CDH23: variants seen among roughly 807,000 people sequenced by gnomAD.
CDH23 encodes the protein cadherin related 23, also known as cadherin-23.
In CDH23, 189 loss-of-function variants were observed where a neutral mutation model predicts 317.1. That is an observed-to-expected ratio of 0.60 (90% CI 0.53 to 0.67). CDH23 has a LOEUF of 0.67. Ranked by LOEUF, CDH23 falls within the 30% of genes least tolerant of loss-of-function variation. The probability of loss-of-function intolerance (pLI) is 0.00; values close to 1 mark genes in which losing one functional copy is unlikely to be tolerated. For synonymous variants in CDH23, 1,839 were observed against 1,876.8 expected (o/e 0.98, Z 0.52); for missense variants, 4,401 against 4,592.4 (o/e 0.96, Z 1.20).
chr10:71,438,037 C>T (rs1481552312), intron 1 of CDH23, among the ~76,000 whole-genome samples: 2 of 152,140 alleles, frequency 1.3e-5, no homozygotes, highest in Non-Finnish European at 2.9e-5. Context: ...TATTCAAATA[C>T]ATCTTAGAAT....
intron 6 of CDH23, among the ~76,000 whole-genome samples, chr10:71,543,118 T>A (rs998378559): frequency 7.9e-5 from 12 of 152,198 alleles, no homozygotes; most frequent in Admixed American, 7.9e-4. Context: ...ACGCTGTTCC[T>A]CCAGGGCCCC....
intron 10 of CDH23, 51 bp downstream of exon 10, chr10:71,615,667 C>A: frequency 1.5e-6 from 2 of 1,309,660 alleles, no homozygotes; most frequent in Non-Finnish European, 2.2e-6. Flanking sequence ...TGCCCCTACT[C>A]GGATGCCAAC....
At chr10:71,745,902 C>T (rs1839843568) in intron 38 of CDH23, among the ~76,000 whole-genome samples, 1 of 152,230 alleles carries the variant, frequency 6.6e-6, no homozygotes, top group Non-Finnish European at 1.5e-5. Context: ...CAGAGAAAGC[C>T]AGCAGGCCCA....
At chr10:71,501,340 C>T (rs540714890) in intron 3 of CDH23, among the ~76,000 whole-genome samples, 4 of 152,332 alleles carry the variant, frequency 2.6e-5, no homozygotes, top group African/African-American at 9.6e-5. Context: ...CAGTTCATGC[C>T]GTCCCCTCCA....
chr10:71,688,438 A>G (rs1182227846), intron 19 of CDH23, among the ~76,000 whole-genome samples: 1 of 151,424 alleles, frequency 6.6e-6, no homozygotes, highest in Non-Finnish European at 1.5e-5. Flanking sequence ...GGAGCCAGGG[A>G]TGGTAGAGCC....
At chr10:71,640,784 C>T (rs112027890) in intron 11 of CDH23, among the ~76,000 whole-genome samples, 3,550 of 152,202 alleles carry the variant, frequency 0.023, 60 homozygotes, top group Non-Finnish European at 0.042. Context: ...AGAAAGGAAA[C>T]GGTGCTGGGC....
At chr10:71,714,097 G>A (rs567352414) in intron 28 of CDH23, 1 of 152,280 alleles carries the variant, frequency 6.6e-6, no homozygotes, top group African/African-American at 2.4e-5. Flanking sequence ...AGCGTCTCAG[G>A]ATGACTTCTC....
intron 1 of CDH23, among the ~76,000 whole-genome samples, chr10:71,421,993 G>A (rs567034424): frequency 6.6e-6 from 1 of 152,316 alleles, no homozygotes; most frequent in African/African-American, 2.4e-5. Flanking sequence ...AGTAGGTAGT[G>A]AGCTTCCCAC....
intron 6 of CDH23, among the ~76,000 whole-genome samples, chr10:71,525,644 G>T (rs10823775): frequency 0.64 from 97,474 of 151,940 alleles, 31,764 homozygotes; most frequent in East Asian, 0.91. Flanking sequence ...ACCATAGGTG[G>T]GGAGAGAGGG....
At chr10:71,705,650 A>G (rs1367680342) in intron 25 of CDH23, among the ~76,000 whole-genome samples, 1 of 152,152 alleles carries the variant, frequency 6.6e-6, no homozygotes, top group African/African-American at 2.4e-5. Flanking sequence ...TGGGACTCTC[A>G]TGCTCATTCC....
intron 1 of CDH23, among the ~76,000 whole-genome samples, chr10:71,414,055 G>GTT (rs1192910497): frequency 6.7e-6 from 1 of 150,098 alleles, no homozygotes; most frequent in Non-Finnish European, 1.5e-5. Flanking sequence ...TTTTGTGTGT[G>GTT]TGTGTGTGTG....
At chr10:71,773,530 C>A (rs757749664) in intron 38 of CDH23, 8 of 1,274,704 alleles carry the variant, frequency 6.3e-6, no homozygotes, top group Admixed American at 2.3e-5. Context: ...TGAGTGCGAG[C>A]GAGTGAGCGC....
At chr10:71,613,301 TC>T (rs776304396) in intron 9 of CDH23, among the ~76,000 whole-genome samples, 2 of 151,990 alleles carry the variant, frequency 1.3e-5, no homozygotes, top group African/African-American at 2.4e-5. Context: ...TCCCCCCAAC[TC>T]CCCACTATGC....
chr10:71,589,635 T>C (rs1027600294), intron 9 of CDH23, among the ~76,000 whole-genome samples: 2 of 152,128 alleles, frequency 1.3e-5, no homozygotes, highest in Admixed American at 1.3e-4. Context: ...GGGTTTGTTC[T>C]CCCCAGGAAA....
At chr10:71,661,016 G>T (rs953511767) in intron 14 of CDH23, among the ~76,000 whole-genome samples, 1 of 152,226 alleles carries the variant, frequency 6.6e-6, no homozygotes, top group Non-Finnish European at 1.5e-5. Context: ...TTTTGTAGAT[G>T]AGAGCACTGA....
Position 71,550,918 on chromosome 10 carries a change from A to G in CDH23, c.430-15824A>G, listed in dbSNP as rs556664491. Among the ~76,000 whole-genome samples, 416 of 152,236 alleles carry G rather than the reference A, an allele frequency of 2.7e-3. 2 individuals carry two copies. The highest frequency in any genetic ancestry group is 9.4e-3 in the African/African-American group (389 of 41,546). On this transcript the variant is annotated intron_variant, in intron 6 of 69. Coordinates refer to ENST00000224721, the MANE Select transcript of CDH23 (RefSeq NM_022124.6). ...AAAGTCTGGAAGATGCTTCCCCTCC[A>G]CCACCAGAGCCAGCCCCCACCGGCT...
chr10:71,571,629 C>T (rs1370908381), intron 8 of CDH23, among the ~76,000 whole-genome samples: 1 of 152,236 alleles, frequency 6.6e-6, no homozygotes, highest in Non-Finnish European at 1.5e-5. Flanking sequence ...TCTCTAGTCT[C>T]ATAACCATTC....
At chr10:71,637,272 G>T (rs182688703) in intron 11 of CDH23, among the ~76,000 whole-genome samples, 43 of 152,230 alleles carry the variant, frequency 2.8e-4, no homozygotes, top group Non-Finnish European at 5.3e-4. Context: ...GGACTGGTGG[G>T]TCCCGTCACC....
At chr10:71,666,557 A>G (rs1863905128) in intron 14 of CDH23, among the ~76,000 whole-genome samples, 1 of 152,086 alleles carries the variant, frequency 6.6e-6, no homozygotes, top group African/African-American at 2.4e-5. Flanking sequence ...CTCAGATTAA[A>G]TCACTTCCTT....
Sources: gnomAD v4.1 joint callset for allele counts (sites outside exome capture counted in the v4.1 genomes callset) on GRCh38, gnomAD v4.1.1 for gene constraint, MANE v1.5 for transcripts, NCBI Gene and HGNC (gene_info 2026-07-23, HGNC 2026-07-21) for gene names.